The following SGCZ variants were observed in gnomAD, a reference collection of about 807,000 sequenced individuals.
SGCZ encodes zeta-sarcoglycan.
Under a neutral mutation model 41.3 loss-of-function variants are expected in SGCZ, and 40 were observed. The ratio of observed to expected loss-of-function variants is 0.97; its 90% CI spans 0.75 to 1.26. SGCZ has a LOEUF of 1.26. SGCZ is among the 50% of genes most tolerant of loss of function. The probability of loss-of-function intolerance (pLI) is 0.00; values close to 1 mark genes in which losing one functional copy is unlikely to be tolerated. For synonymous variants in SGCZ, 206 were observed against 137.5 expected (o/e 1.50, Z -3.49); for missense variants, 552 against 369.8 (o/e 1.49, Z -4.04).
At chr8:14,857,823 C>A (rs1462626018) in intron 1 of SGCZ, among the ~76,000 whole-genome samples, 1 of 151,998 alleles carries the variant, frequency 6.6e-6, no homozygotes, top group African/African-American at 2.4e-5. Context: ...CTGAGACTAC[C>A]CCAGTGCACT....
At position 14,853,060 on chromosome 8, in the gene SGCZ, G is replaced by GCA. The variant is rs1563316194; in HGVS notation, c.40-298135_40-298134insTG. 5.9e-5 allele frequency among the ~76,000 whole-genome samples: 9 copies of GCA among 152,114 alleles called. No homozygotes were observed. In the East Asian group the frequency reaches 1.7e-3, roughly 29 times the overall value. ...TACATAGAAAGTATATTCCAATAGCGGCCTTTGCATGTGTGCATTATAGCA... is the reference window on the plus strand; with the variant it reads ...TACATAGAAAGTATATTCCAATAGCGCAGCCTTTGCATGTGTGCATTATAGCA... On this transcript the variant is annotated intron_variant, in intron 1 of 7. Transcript: ENST00000382080.
intron 2 of SGCZ, among the ~76,000 whole-genome samples, chr8:14,430,489 C>G (rs1799913454): frequency 6.6e-6 from 1 of 152,060 alleles, no homozygotes; most frequent in South Asian, 2.1e-4. Flanking sequence ...TGGACAAAAT[C>G]CAGCAAACTT....
intron 2 of SGCZ, among the ~76,000 whole-genome samples, chr8:14,346,933 C>T (rs1802909192): frequency 6.6e-6 from 1 of 151,826 alleles, no homozygotes; most frequent in South Asian, 2.1e-4. Context: ...CGGACAGTGG[C>T]TTTGATAACA....
Position 14,671,080 on chromosome 8 carries a change from C to A in SGCZ, c.40-116154G>T, listed in dbSNP as rs376970665. Among the ~76,000 whole-genome samples, 3 of 152,346 alleles carry A rather than the reference C, an allele frequency of 2.0e-5. No homozygotes were observed. In the East Asian group the frequency reaches 5.8e-4, roughly 29 times the overall value. ...ACTGCGCATTCATTTTCCTCTTCTT[C>A]AGTGTCTCTGGATTTATATATGTAA... On this transcript the variant is annotated intron_variant, in intron 1 of 7. Coordinates refer to ENST00000382080, the MANE Select transcript of SGCZ (RefSeq NM_139167.4).
chr8:14,278,607 C>T (rs531675889), intron 3 of SGCZ, among the ~76,000 whole-genome samples: 11 of 152,100 alleles, frequency 7.2e-5, no homozygotes, highest in Non-Finnish European at 1.3e-4. Flanking sequence ...TAACAGATCT[C>T]ATAGGCTTAT....
At chr8:15,224,135 C>G (rs1585691895) in intron 1 of SGCZ, among the ~76,000 whole-genome samples, 1 of 152,220 alleles carries the variant, frequency 6.6e-6, no homozygotes, top group East Asian at 1.9e-4. Flanking sequence ...GGATAACAGG[C>G]GTGAGCCACC....
At chr8:14,885,218 A>G (rs1585348589) in intron 1 of SGCZ, among the ~76,000 whole-genome samples, 3 of 152,272 alleles carry the variant, frequency 2.0e-5, no homozygotes, top group Admixed American at 6.5e-5. Context: ...TGGTCCAGTC[A>G]TCCCTTGAGG....
At chr8:14,742,618 C>A (rs558772691) in intron 1 of SGCZ, among the ~76,000 whole-genome samples, 1 of 151,986 alleles carries the variant, frequency 6.6e-6, no homozygotes, top group Non-Finnish European at 1.5e-5. Context: ...TGTATACATA[C>A]GTACATAACC....
At chr8:15,152,751 T>A (rs1006692807) in intron 1 of SGCZ, among the ~76,000 whole-genome samples, 6 of 152,226 alleles carry the variant, frequency 3.9e-5, no homozygotes, top group African/African-American at 1.4e-4. Flanking sequence ...AAAGAAGTCC[T>A]TTTTGTTTAA....
At chr8:14,163,453 C>A (rs1408804748) in intron 5 of SGCZ, among the ~76,000 whole-genome samples, 1 of 152,056 alleles carries the variant, frequency 6.6e-6, no homozygotes, top group Non-Finnish European at 1.5e-5. Flanking sequence ...TAGTTTAATA[C>A]ACCTTTCTTG....
intron 2 of SGCZ, among the ~76,000 whole-genome samples, chr8:14,551,473 T>TAATATATATTATATATATAA (rs1491107563): frequency 8.7e-5 from 1 of 11,534 alleles, no homozygotes; most frequent in Non-Finnish European, 1.5e-4. Flanking sequence ...ATTATATATA[T>TAATATATATTATATATATAA]TATATATTAT....
intron 5 of SGCZ, among the ~76,000 whole-genome samples, chr8:14,119,462 C>T (rs1802626588): frequency 6.6e-6 from 1 of 152,162 alleles, no homozygotes; most frequent in Non-Finnish European, 1.5e-5. Context: ...AGATTTTGGG[C>T]TCAGACAGTG....
At chr8:14,184,172 A>C (rs1362682477) in intron 4 of SGCZ, among the ~76,000 whole-genome samples, 1 of 151,974 alleles carries the variant, frequency 6.6e-6, no homozygotes, top group Admixed American at 6.5e-5. Context: ...AACAAATTCC[A>C]GTATATTTAA....
intron 3 of SGCZ, among the ~76,000 whole-genome samples, chr8:14,249,958 T>A (rs141219215): frequency 2.0e-5 from 3 of 152,164 alleles, no homozygotes; most frequent in Admixed American, 6.5e-5. Flanking sequence ...TCAGACCAAA[T>A]AGCACAAGAC....
intron 1 of SGCZ, among the ~76,000 whole-genome samples, chr8:14,901,129 C>T (rs59044063): frequency 6.6e-6 from 1 of 152,166 alleles, no homozygotes; most frequent in Non-Finnish European, 1.5e-5. Flanking sequence ...GCATAAATAT[C>T]AATCTAATTA....
At position 14,929,157 on chromosome 8, in the gene SGCZ, A is replaced by G. The variant is rs180726627; in HGVS notation, c.39+308428T>C. 2.6e-5 allele frequency among the ~76,000 whole-genome samples: 4 copies of G among 152,030 alleles called. No individual in the cohort carries two copies. In the East Asian group the frequency reaches 5.8e-4, roughly 22 times the overall value. On this transcript the variant is annotated intron_variant, in intron 1 of 7. Coordinates refer to ENST00000382080, the MANE Select transcript of SGCZ (RefSeq NM_139167.4). ...GAAGCGTGCACCACCACGCCCAGCT[A>G]ATTTTTGTAGTTTTTAGTAGAGATG... is the stretch of plus-strand genomic sequence containing the variant.
At chr8:14,101,794 T>C (rs1802029561) in intron 7 of SGCZ, among the ~76,000 whole-genome samples, 1 of 150,962 alleles carries the variant, frequency 6.6e-6, no homozygotes, top group African/African-American at 2.4e-5. Context: ...AAAAAAGGAC[T>C]GTCGTTATTC....
intron 1 of SGCZ, among the ~76,000 whole-genome samples, chr8:14,602,809 G>T (rs2117317048): frequency 6.6e-6 from 1 of 152,148 alleles, no homozygotes; most frequent in South Asian, 2.1e-4. Flanking sequence ...TGCATATATG[G>T]CATCTTCTAA....
At chr8:14,673,446 G>GTC (rs752976355) in intron 1 of SGCZ, among the ~76,000 whole-genome samples, 68 of 148,556 alleles carry the variant, frequency 4.6e-4, no homozygotes, top group African/African-American at 9.6e-4. Flanking sequence ...CGCTCGCGCT[G>GTC]TCTCTCTCTC....
Sources: allele counts gnomAD v4.1 joint callset (sites outside exome capture counted in the v4.1 genomes callset), GRCh38; gene constraint gnomAD v4.1.1; transcripts MANE v1.5; gene names NCBI Gene and HGNC (gene_info 2026-07-23, HGNC 2026-07-21).